The following ZP4 variants were observed in gnomAD, a reference collection of about 807,000 sequenced individuals.
ZP4 encodes zona pellucida sperm-binding protein 4.
Under a neutral mutation model 62.3 loss-of-function variants are expected in ZP4, and 62 were observed. That is an observed-to-expected ratio of 0.99 (90% CI 0.81 to 1.23). The LOEUF (loss-of-function observed/expected upper bound fraction) is 1.23, where lower values mean the gene tolerates loss of function less well. Among genes scored for constraint, ZP4 ranks in the 50% most tolerant of loss-of-function variants. ZP4 has a pLI of 0.00. For synonymous variants in ZP4, 289 were observed against 247.3 expected, an observed-to-expected ratio of 1.17 and a Z score of -1.58; for missense variants, 774 against 656.0, an observed-to-expected ratio of 1.18 and a Z score of -1.97.
chr1:237,888,274 G>T, intron 4 of ZP4, 84 bp downstream of exon 4: 1 of 1,400,740 alleles, frequency 7.1e-7, no homozygotes, highest in Non-Finnish European at 9.5e-7. Context: ...CTTGATGTTT[G>T]CCTTCTGAGC....
At position 237,882,490 on chromosome 1, in the gene ZP4, C is replaced by T. The variant is rs1366925962; in HGVS notation, c.1555G>A (p.Gly519Arg). The change falls in exon 12 of 12, where the codon GGA becomes AGA. Residue 519 changes from glycine to arginine, a missense_variant. Coordinates refer to ENST00000366570, the MANE Select transcript of ZP4 (RefSeq NM_021186.5). ...GCCAAGTAGGATACTAACAAGGCTCCAAGGATTAAGGTCCCAGAAAGGCCT... is the reference window on the plus strand; with the variant it reads ...GCCAAGTAGGATACTAACAAGGCTCTAAGGATTAAGGTCCCAGAAAGGCCT... The part of the protein sequence containing the change: ...VAGLSGTLIL[G>R]ALLVSYLAVK... 1.2e-6 allele frequency: 2 copies of T among 1,609,846 alleles called. No homozygotes were observed. Among genetic ancestry groups the T allele is most frequent in the Admixed American group, 1.7e-5 (1 of 58,146 alleles).
chr1:237,889,894 G>T lies in ZP4; in HGVS notation c.373C>A (p.Leu125Met), dbSNP rs1345363286. Residue 125 changes from leucine (L) to methionine (M), a missense_variant, in exon 3 of 12, where the codon CTG (leucine) becomes ATG (methionine). Physicochemically the swap from Leu to Met is conservative, Grantham distance 15 (BLOSUM62 2). Transcript: ENST00000366570. ...AGAAGATCCATAGGACACTTGAGCA[G>T]CTTCCTCTCTGTAACCACCTTGTGT... ...AEHKVVTERK[L>M]LKCPMDLLAR... The T allele has an allele frequency of 3.7e-6, 6 of 1,613,168 alleles. No individual in the cohort carries two copies. The highest frequency in any genetic ancestry group is 4.2e-6 in the Non-Finnish European group (5 of 1,179,804).
intron 10 of ZP4, among the ~76,000 whole-genome samples, chr1:237,884,045 C>CACACACAA (rs1307460914): frequency 7.4e-6 from 1 of 136,038 alleles, no homozygotes; most frequent in African/African-American, 3.4e-5. Flanking sequence ...CACACACAAA[C>CACACACAA]ACACACAAAC....
In ZP4 at chr1:237,886,757, G is replaced by T; in HGVS notation, c.839+14C>A. 6.2e-7 allele frequency: 1 copy of T among 1,610,682 alleles called. No homozygotes were observed. Among genetic ancestry groups the T allele is most frequent in the Non-Finnish European group, 8.5e-7 (1 of 1,177,436 alleles). ...CTTATGGCAGATGGGAAGTCATTCT[G>T]GCCAAGCCCTTACCTGAAGATGCTG... On this transcript the variant is annotated intron_variant, in intron 6 of 11. Transcript: ENST00000366570.
intron 10 of ZP4, among the ~76,000 whole-genome samples, chr1:237,883,882 C>T (rs1665003869): frequency 6.7e-6 from 1 of 149,368 alleles, no homozygotes; most frequent in African/African-American, 2.5e-5. Flanking sequence ...ATCACCTGAG[C>T]TCAGGAGGTC....
At position 237,884,850 on chromosome 1, in the gene ZP4, G is replaced by A; in HGVS notation, c.1312-3C>T. 1 of 1,612,638 alleles carries A rather than the reference G, an allele frequency of 6.2e-7. No individual in the cohort carries two copies. The highest frequency in any genetic ancestry group is 8.5e-7 in the Non-Finnish European group (1 of 1,179,358). On this transcript the variant is annotated splice_polypyrimidine_tract_variant and splice_region_variant and intron_variant, in intron 9 of 11. Transcript: ENST00000366570. ...GACACGCTGCAGTGCAGATGCACCT[G>A]GGAGCCAACAGAATTCAGGTCATTT...
At position 237,890,743 on chromosome 1, in the gene ZP4, A is replaced by AGCTGC; in HGVS notation, c.-113_-109dup. ...ATATACAGAAGTCAGGCTTGTTTTC[A>AGCTGC]GCTGCACATCTTTGTGACACTCAGG... On this transcript the variant is annotated 5_prime_UTR_variant, in exon 1 of 12. An upstream open reading frame in the 5' UTR loses its in-frame stop. Transcript: ENST00000366570. 1 of 1,293,106 alleles carries AGCTGC rather than the reference A, an allele frequency of 7.7e-7. No individual in the cohort carries two copies. The highest frequency in any genetic ancestry group is 1.1e-6 in the Non-Finnish European group (1 of 952,118). 80.1% of individuals were successfully genotyped at this position (1,293,106 alleles called of 1,614,324 possible).
rs899373349 is a variant in ZP4, at chr1:237,889,880, A to G, written c.387T>C (p.Pro129=). The G allele has an allele frequency of 1.2e-6, 2 of 1,613,646 alleles. No individual in the cohort carries two copies. Among genetic ancestry groups the G allele is most frequent in the African/African-American group, 2.7e-5 (2 of 74,766 alleles). The change falls in exon 3 of 12, where the codon CCT becomes CCC. Residue 129 remains proline (P), a synonymous_variant. Coordinates refer to ENST00000366570, the MANE Select transcript of ZP4 (RefSeq NM_021186.5). ...VVTERKLLKC[P]MDLLARDAPD... is the part of the protein sequence containing the mutation. ...TCCAGCCTTTACCTAGAAGATCCAT[A>G]GGACACTTGAGCAGCTTCCTCTCTG...
In ZP4 at chr1:237,887,483, T is replaced by A; in HGVS notation, c.632A>T (p.Asp211Val). 6.2e-7 allele frequency: 1 copy of A among 1,614,088 alleles called. No homozygotes were observed. The highest frequency in any genetic ancestry group is 8.5e-7 in the Non-Finnish European group (1 of 1,180,024). Residue 211 changes from aspartate to valine, a missense_variant, in exon 5 of 12, where the codon GAT becomes GTT. Transcript: ENST00000366570. ...ATTCCTAAGGGCCAAGCGCACAGAA[T>A]CCAAGAGCAGTGGTGGCGAGGTCAC... is the stretch of plus-strand genomic sequence containing the variant. ...RNVTSPPLLL[D>V]SVRLALRNDS...
Position 237,885,249 on chromosome 1 carries a change from T to A in ZP4, c.1227A>T (p.Pro409=), listed in dbSNP as rs755765486. The stretch of plus-strand genomic sequence containing the variant: ...TGAAGCGCTGGTGGTGAGAGGGAAA[T>A]GGAAGATCCAAGGCTTTCTGGACAG... The part of the protein sequence containing the change: ...LIPVQKALDL[P]FPSHHQRFSI... Residue 409 remains proline, a synonymous_variant, in exon 9 of 12, where the codon CCA becomes CCT. Coordinates refer to ENST00000366570, the MANE Select transcript of ZP4 (RefSeq NM_021186.5). 2 of 1,614,074 alleles carry A rather than the reference T, an allele frequency of 1.2e-6. No individual in the cohort carries two copies. Among genetic ancestry groups the A allele is most frequent in the East Asian group, 4.5e-5 (2 of 44,868 alleles).
rs1665213939 is a variant in ZP4 at position 237,890,461 on chromosome 1, C to T, written c.175G>A (p.Asp59Asn). ...ATSPPVLIAW[D>N]NQGLLHELQN... is the part of the protein sequence containing the mutation. Reference sequence around the variant, plus strand: ...AAGCAAGGCAAGTCATCAAACTTACCCCAAGCTATTAGTACAGGAGGAGAC... The same window carrying T: ...AAGCAAGGCAAGTCATCAAACTTACTCCAAGCTATTAGTACAGGAGGAGAC... The change falls in exon 1 of 12, where the codon GAC becomes AAC. Residue 59 changes from aspartate (D) to asparagine (N), a missense_variant and splice_region_variant. Physicochemically the swap from Asp to Asn is conservative, Grantham distance 23. Transcript: ENST00000366570. 1 of 1,606,976 alleles carries T rather than the reference C, an allele frequency of 6.2e-7. No homozygotes were observed. The highest frequency in any genetic ancestry group is 8.5e-7 in the Non-Finnish European group (1 of 1,177,226).
chr1:237,889,823 A>ACC, intron 3 of ZP4, 44 bp downstream of exon 3: 22 of 1,064,542 alleles, frequency 2.1e-5, no homozygotes, highest in Middle Eastern at 2.5e-4. Flanking sequence ...TTCACACCCC[A>ACC]CCCCCACCAC....
intron 3 of ZP4, 43 bp downstream of exon 3, chr1:237,889,823 AC>A: frequency 1.9e-6 from 2 of 1,064,584 alleles, no homozygotes; most frequent in Non-Finnish European, 2.9e-6. Context: ...TTCACACCCC[AC>A]CCCCACCACC....
chr1:237,890,676 T>C lies in ZP4; in HGVS notation c.-41A>G, dbSNP rs754057053. On this transcript the variant is annotated 5_prime_UTR_variant, in exon 1 of 12. Transcript: ENST00000366570. ...TCCTGCCGGCTGCAGACTCTCCGCCTCCTCTCCCAAGAGCCGAGGGTCTGC... is the reference window on the plus strand; with the variant it reads ...TCCTGCCGGCTGCAGACTCTCCGCCCCCTCTCCCAAGAGCCGAGGGTCTGC... 1 of 1,589,336 alleles carries C rather than the reference T, an allele frequency of 6.3e-7. No homozygotes were observed. Among genetic ancestry groups the C allele is most frequent in the South Asian group, 1.1e-5 (1 of 87,536 alleles).
At chr1:237,889,717 A>T in intron 3 of ZP4, 150 bp downstream of exon 3, 1 of 750,678 alleles carries the variant, frequency 1.3e-6, no homozygotes, top group Non-Finnish European at 2.3e-6. Context: ...AGTTATCCTA[A>T]GGATTGCCCA....
Position 237,882,835 on chromosome 1 carries a change from A to C in ZP4, c.1402T>G (p.Phe468Val). 1 of 1,613,442 alleles carries C rather than the reference A, an allele frequency of 6.2e-7. No homozygotes were observed. The highest frequency in any genetic ancestry group is 8.5e-7 in the Non-Finnish European group (1 of 1,179,806). The change falls in exon 11 of 12, where the codon TTT becomes GTT. Residue 468 changes from phenylalanine (F) to valine (V), a missense_variant. Phe to Val is a conservative substitution (Grantham distance 50). Transcript: ENST00000366570. ...GTAGTGTTCTGAGAACTGTTGTCAA[A>C]ATTTCTTCTTCCTGTTAGAGAAATG... ...TCPDLSRRRNFDNSSQNTTAS... is the reference protein window; with the variant it reads ...TCPDLSRRRNVDNSSQNTTAS...
intron 7 of ZP4, 85 bp from the exon 8 acceptor site, chr1:237,885,665 C>CT: frequency 6.3e-7 from 1 of 1,593,224 alleles, no homozygotes; most frequent in Non-Finnish European, 8.5e-7. Flanking sequence ...CCCCAAGCCC[C>CT]TTAAGTGTCT....
Position 237,888,485 on chromosome 1 carries a change from C to A in ZP4, c.426G>T (p.Trp142Cys). The stretch of plus-strand genomic sequence containing the variant: ...TGTCCCGTGCTGGGATGGAGTCACA[C>A]CAGTCAGTATCTGGAGCATCTCGGG... ...LLARDAPDTD[W>C]CDSIPARDRL... is the part of the protein sequence containing the mutation. Residue 142 changes from tryptophan to cysteine, a missense_variant, in exon 4 of 12, where the codon TGG becomes TGT. Physicochemically the swap from Trp to Cys is radical, Grantham distance 215. Coordinates refer to ENST00000366570, the MANE Select transcript of ZP4 (RefSeq NM_021186.5). The A allele has an allele frequency of 6.2e-7, 1 of 1,607,766 alleles. No homozygotes were observed. The highest frequency in any genetic ancestry group is 8.5e-7 in the Non-Finnish European group (1 of 1,175,518).
intron 5 of ZP4, 68 bp downstream of exon 5, chr1:237,887,306 C>T (rs1665126482): frequency 6.5e-7 from 1 of 1,550,072 alleles, no homozygotes. Flanking sequence ...TATTTCAGCT[C>T]TCCCCCACTA....
Sources: allele counts gnomAD v4.1 joint callset (sites outside exome capture counted in the v4.1 genomes callset), GRCh38; gene constraint gnomAD v4.1.1; transcripts MANE v1.5; gene names NCBI Gene and HGNC (gene_info 2026-07-23, HGNC 2026-07-21).